The following VPS13B variants were observed in gnomAD, a reference collection of about 807,000 sequenced individuals.
VPS13B encodes the protein vacuolar protein sorting 13 homolog B.
In VPS13B, 285 loss-of-function variants were observed where a neutral mutation model predicts 426.4. The observed-to-expected ratio is 0.67, with a 90% CI of 0.61 to 0.74. VPS13B has a LOEUF of 0.74. VPS13B is among the 30% of genes least tolerant of loss of function. The probability of loss-of-function intolerance (pLI) is 0.00; values close to 1 mark genes in which losing one functional copy is unlikely to be tolerated. For synonymous variants in VPS13B, 1,676 were observed against 1,676.4 expected (o/e 1.00, Z 0.01); for missense variants, 4,537 against 4,782.6 (o/e 0.95, Z 1.51).
intron 3 of VPS13B, among the ~76,000 whole-genome samples, chr8:99,080,564 C>A (rs1845388048): frequency 6.6e-6 from 1 of 152,026 alleles, no homozygotes; most frequent in African/African-American, 2.4e-5. Flanking sequence ...TGTTTCTGGG[C>A]TCTCCTCTGT....
intron 21 of VPS13B, among the ~76,000 whole-genome samples, chr8:99,407,061 T>C (rs1286146564): frequency 2.6e-5 from 4 of 152,140 alleles, no homozygotes; most frequent in African/African-American, 4.8e-5. Context: ...ATAGAGAACT[T>C]TGACTTTCTA....
intron 19 of VPS13B, among the ~76,000 whole-genome samples, chr8:99,375,527 T>C (rs1813437283): frequency 6.6e-6 from 1 of 152,236 alleles, no homozygotes; most frequent in African/African-American, 2.4e-5. Context: ...ACAAATCTTA[T>C]GATTGATTTA....
chr8:99,266,237 A>G (rs1007641504), intron 17 of VPS13B, among the ~76,000 whole-genome samples: 22 of 151,926 alleles, frequency 1.4e-4, no homozygotes, highest in Admixed American at 1.2e-3. Context: ...TGGGCACCAT[A>G]GTGAGACCCT....
chr8:99,286,857 A>T (rs986789580), intron 19 of VPS13B, among the ~76,000 whole-genome samples: 8 of 152,114 alleles, frequency 5.3e-5, no homozygotes, highest in Non-Finnish European at 1.0e-4. Flanking sequence ...AAGAGAAATG[A>T]TACCACCGGC....
chr8:99,537,562 A>G (rs1288717585), intron 30 of VPS13B, among the ~76,000 whole-genome samples: 1 of 152,208 alleles, frequency 6.6e-6, no homozygotes, highest in Non-Finnish European at 1.5e-5. Context: ...GCAAATGGAA[A>G]TGTATTGCAA....
intron 25 of VPS13B, among the ~76,000 whole-genome samples, chr8:99,496,099 T>C (rs1003616294): frequency 6.6e-6 from 1 of 152,168 alleles, no homozygotes; most frequent in Non-Finnish European, 1.5e-5. Context: ...ACAGACAACT[T>C]TGTATTATAG....
intron 25 of VPS13B, among the ~76,000 whole-genome samples, chr8:99,488,137 G>A (rs1474897956): frequency 1.3e-5 from 2 of 152,050 alleles, no homozygotes; most frequent in African/African-American, 4.8e-5. Context: ...TACTTTATTC[G>A]GTGCTGATTT....
chr8:99,044,398 TAA>T (rs1035948442), intron 3 of VPS13B, among the ~76,000 whole-genome samples: 1 of 128,244 alleles, frequency 7.8e-6, no homozygotes, highest in African/African-American at 3.0e-5. Flanking sequence ...TTTTCTTTTT[TAA>T]AATAAGTCAA....
chr8:99,227,350 A>G (rs994613225), intron 17 of VPS13B, among the ~76,000 whole-genome samples: 9 of 152,142 alleles, frequency 5.9e-5, no homozygotes, highest in Non-Finnish European at 1.3e-4. Context: ...TAATTCATAC[A>G]TGTTTATTGT....
intron 19 of VPS13B, among the ~76,000 whole-genome samples, chr8:99,283,493 A>G (rs1819271384): frequency 6.6e-6 from 1 of 152,196 alleles, no homozygotes; most frequent in Admixed American, 6.5e-5. Flanking sequence ...TAGGGGCAAA[A>G]TGTAACTACA....
chr8:99,287,883 A>G (rs996869387), intron 19 of VPS13B, among the ~76,000 whole-genome samples: 2 of 152,058 alleles, frequency 1.3e-5, no homozygotes, highest in African/African-American at 2.4e-5. Context: ...GAATTAGTAC[A>G]GAGCCTCTAA....
At chr8:99,501,542 TGGTATTA>T in intron 25 of VPS13B, 138 bp from the exon 26 acceptor site, 1 of 767,360 alleles carries the variant, frequency 1.3e-6, no homozygotes, top group Non-Finnish European at 2.1e-6. Context: ...CATTATGTAT[TGGTATTA>T]ACATTTATAT....
chr8:99,628,779 T>TA (rs1170031057), intron 33 of VPS13B, among the ~76,000 whole-genome samples: 1 of 152,038 alleles, frequency 6.6e-6, no homozygotes, highest in Non-Finnish European at 1.5e-5. Flanking sequence ...CTATGTGTTT[T>TA]TTTTTTTTTA....
At chr8:99,871,372 T>G in intron 60 of VPS13B, 76 bp from the exon 61 acceptor site, 2 of 1,609,242 alleles carry the variant, frequency 1.2e-6, no homozygotes, top group Non-Finnish European at 1.7e-6. Flanking sequence ...GTTGCCCCAT[T>G]GGTAAATAAT....
intron 19 of VPS13B, among the ~76,000 whole-genome samples, chr8:99,336,816 C>T (rs1810907087): frequency 6.6e-6 from 1 of 152,108 alleles, no homozygotes; most frequent in Non-Finnish European, 1.5e-5. Context: ...CAATGAGATA[C>T]CATCTCACAC....
At chr8:99,617,777 C>T (rs1828159685) in intron 33 of VPS13B, among the ~76,000 whole-genome samples, 2 of 152,120 alleles carry the variant, frequency 1.3e-5, no homozygotes, top group African/African-American at 2.4e-5. Flanking sequence ...ACAATTTTTC[C>T]ACCCTAATTT....
At chr8:99,417,097 T>A (rs1340222704) in intron 21 of VPS13B, among the ~76,000 whole-genome samples, 1 of 152,142 alleles carries the variant, frequency 6.6e-6, no homozygotes, top group Non-Finnish European at 1.5e-5. Context: ...TACTTTTCCT[T>A]CCTTTCTGGC....
intron 2 of VPS13B, among the ~76,000 whole-genome samples, chr8:99,029,289 C>T (rs1311669015): frequency 6.7e-6 from 1 of 149,408 alleles, no homozygotes; most frequent in African/African-American, 2.5e-5. Flanking sequence ...TCCTCACTTT[C>T]CAGACTGGGC....
intron 2 of VPS13B, among the ~76,000 whole-genome samples, chr8:99,033,143 G>C (rs1203935942): frequency 6.6e-6 from 1 of 152,128 alleles, no homozygotes; most frequent in Non-Finnish European, 1.5e-5. Flanking sequence ...TCGTTTTGTT[G>C]TGTGAATTTG....
Sources: allele counts gnomAD v4.1 joint callset (sites outside exome capture counted in the v4.1 genomes callset), GRCh38; gene constraint gnomAD v4.1.1; transcripts MANE v1.5; gene names NCBI Gene and HGNC (gene_info 2026-07-23, HGNC 2026-07-21).